The following NRXN1 variants were observed in gnomAD, a reference collection of about 807,000 sequenced individuals.
The protein encoded by NRXN1 is neurexin-1.
NRXN1 carries 39 observed loss-of-function variants against 150.9 expected under a neutral mutation model. The ratio of observed to expected loss-of-function variants is 0.26; its 90% CI spans 0.20 to 0.34. The LOEUF (loss-of-function observed/expected upper bound fraction) is 0.34, where lower values mean the gene tolerates loss of function less well. NRXN1 is among the 10% of genes least tolerant of loss of function. NRXN1 has a pLI of 1.00. For synonymous variants in NRXN1, 924 were observed against 757.0 expected (o/e 1.22, Z -3.62); for missense variants, 1,815 against 1,949.9 (o/e 0.93, Z 1.30).
At chr2:50,215,855 T>C (rs1248580065) in intron 18 of NRXN1, among the ~76,000 whole-genome samples, 1 of 152,096 alleles carries the variant, frequency 6.6e-6, no homozygotes, top group East Asian at 1.9e-4. Flanking sequence ...CCCAACCATA[T>C]AGCCTTATGC....
chr2:50,521,603 C>A lies in NRXN1; in HGVS notation c.2374+7022G>T, dbSNP rs560359266. Among the ~76,000 whole-genome samples, 10 of 152,284 alleles carry A rather than the reference C, an allele frequency of 6.6e-5. No individual in the cohort carries two copies. In the South Asian group the frequency reaches 2.1e-3, roughly 32 times the overall value. ...TTCAATCTCCAAATTCTTTGACCGT[C>A]CCCATGATTTAAAGAGCCTTGCCCA... On this transcript the variant is annotated intron_variant, in intron 12 of 22. Transcript: ENST00000401669.
At chr2:49,977,495 T>C (rs554944151) in intron 21 of NRXN1, among the ~76,000 whole-genome samples, 91 of 152,288 alleles carry the variant, frequency 6.0e-4, no homozygotes, top group African/African-American at 2.1e-3. Context: ...CTACCTTCTT[T>C]CCGAAAGATT....
chr2:50,763,523 T>C (rs2105399647), intron 5 of NRXN1, among the ~76,000 whole-genome samples: 1 of 152,058 alleles, frequency 6.6e-6, no homozygotes, highest in East Asian at 1.9e-4. Context: ...TTATTATTAT[T>C]ATTATGCTAG....
intron 17 of NRXN1, among the ~76,000 whole-genome samples, chr2:50,322,219 T>A (rs1300059178): frequency 6.6e-6 from 1 of 152,164 alleles, no homozygotes; most frequent in Non-Finnish European, 1.5e-5. Context: ...CTTAGCTATG[T>A]AACCGTAGGA....
intron 2 of NRXN1, among the ~76,000 whole-genome samples, chr2:50,994,456 T>C (rs1281898834): frequency 6.6e-6 from 1 of 152,036 alleles, no homozygotes; most frequent in Non-Finnish European, 1.5e-5. Context: ...CCCTATATTA[T>C]CACGACTTTT....
At chr2:50,945,623 T>C (rs1188717401) in intron 2 of NRXN1, among the ~76,000 whole-genome samples, 1 of 151,800 alleles carries the variant, frequency 6.6e-6, no homozygotes, top group Non-Finnish European at 1.5e-5. Context: ...CCCTGAGCCA[T>C]AGTTTGCTCA....
At chr2:50,018,261 CG>C (rs1345061322) in intron 21 of NRXN1, among the ~76,000 whole-genome samples, 2 of 152,036 alleles carry the variant, frequency 1.3e-5, no homozygotes, top group Non-Finnish European at 2.9e-5. Flanking sequence ...ATTTATAGGG[CG>C]GGTTTATTTT....
At chr2:50,228,628 A>G (rs954835798) in intron 18 of NRXN1, among the ~76,000 whole-genome samples, 1 of 152,040 alleles carries the variant, frequency 6.6e-6, no homozygotes, top group Non-Finnish European at 1.5e-5. Context: ...GCTAAAATTC[A>G]GAGTAAAATT....
chr2:50,785,796 A>T (rs1053303343), intron 5 of NRXN1, among the ~76,000 whole-genome samples: 4 of 152,088 alleles, frequency 2.6e-5, no homozygotes, highest in African/African-American at 9.7e-5. Flanking sequence ...AGGGAGTTCT[A>T]AAGCATGTAA....
At chr2:50,269,524 G>A (rs1434466516) in intron 17 of NRXN1, among the ~76,000 whole-genome samples, 1 of 152,106 alleles carries the variant, frequency 6.6e-6, no homozygotes, top group African/African-American at 2.4e-5. Flanking sequence ...GGAATTCTTG[G>A]TGACTTTAAT....
At chr2:50,326,634 T>C (rs1162568057) in intron 17 of NRXN1, among the ~76,000 whole-genome samples, 3 of 152,204 alleles carry the variant, frequency 2.0e-5, no homozygotes, top group African/African-American at 7.2e-5. Context: ...TACTATTTAG[T>C]GTTACTTGCT....
chr2:50,931,496 C>T (rs1180613108), intron 2 of NRXN1, among the ~76,000 whole-genome samples: 1 of 152,068 alleles, frequency 6.6e-6, no homozygotes, highest in East Asian at 1.9e-4. Context: ...GACAATTATA[C>T]ATTCTTTTTA....
intron 5 of NRXN1, among the ~76,000 whole-genome samples, chr2:50,674,860 CTAAATGAAAA>C (rs1462737753): frequency 6.6e-6 from 1 of 152,012 alleles, no homozygotes; most frequent in Admixed American, 6.6e-5. Context: ...TATGGAAGAA[CTAAATGAAAA>C]TAGCCCAGTG....
At chr2:50,659,743 T>C (rs1051404451) in intron 5 of NRXN1, among the ~76,000 whole-genome samples, 23 of 151,562 alleles carry the variant, frequency 1.5e-4, no homozygotes, top group East Asian at 1.9e-4. Flanking sequence ...TTTTTTTTTT[T>C]CCCAAATCCA....
chr2:50,419,985 C>T (rs1327804641), intron 17 of NRXN1, among the ~76,000 whole-genome samples: 1 of 151,928 alleles, frequency 6.6e-6, no homozygotes, highest in Non-Finnish European at 1.5e-5. Flanking sequence ...GCCAGCCTTA[C>T]ACGTGTAATG....
intron 5 of NRXN1, among the ~76,000 whole-genome samples, chr2:50,867,518 A>G (rs1024367010): frequency 5.3e-5 from 8 of 151,894 alleles, no homozygotes; most frequent in African/African-American, 1.9e-4. Flanking sequence ...GATTTTCTTA[A>G]AAATATTCTC....
intron 5 of NRXN1, among the ~76,000 whole-genome samples, chr2:50,679,703 A>T (rs1690082979): frequency 6.6e-6 from 1 of 152,216 alleles, no homozygotes; most frequent in Admixed American, 6.5e-5. Context: ...AAGAAAATGT[A>T]TATGAAGAAA....
intron 5 of NRXN1, among the ~76,000 whole-genome samples, chr2:50,690,934 C>CA (rs767873770): frequency 6.6e-6 from 1 of 152,190 alleles, no homozygotes; most frequent in Non-Finnish European, 1.5e-5. Context: ...TCTGCCCCCT[C>CA]ATCGGGTACA....
intron 5 of NRXN1, among the ~76,000 whole-genome samples, chr2:50,637,046 G>C (rs1683328682): frequency 6.6e-6 from 1 of 152,050 alleles, no homozygotes; most frequent in Non-Finnish European, 1.5e-5. Flanking sequence ...TTGAAATTAG[G>C]AGCCCTAGGT....
Sources: allele counts gnomAD v4.1 joint callset (sites outside exome capture counted in the v4.1 genomes callset), GRCh38; gene constraint gnomAD v4.1.1; transcripts MANE v1.5; gene names NCBI Gene and HGNC (gene_info 2026-07-23, HGNC 2026-07-21).